The following NRXN3 variants were observed in gnomAD, a reference collection of about 807,000 sequenced individuals.
The protein encoded by NRXN3 is neurexin III.
NRXN3 carries 32 observed loss-of-function variants against 137.6 expected under a neutral mutation model. The ratio of observed to expected loss-of-function variants is 0.23; its 90% CI spans 0.18 to 0.31. The LOEUF is 0.31. Ranked by LOEUF, NRXN3 falls within the 10% of genes least tolerant of loss-of-function variation. The pLI, the probability that NRXN3 is intolerant of heterozygous loss-of-function variation, is 1.00. For missense variants in NRXN3, 1,574 were observed against 2,062.5 expected (o/e 0.76, Z 4.59); for synonymous variants, 798 against 784.5 (o/e 1.02, Z -0.29).
chr14:78,704,265 C>T (rs986196852), intron 6 of NRXN3, among the ~76,000 whole-genome samples: 1 of 152,146 alleles, frequency 6.6e-6, no homozygotes, highest in Non-Finnish European at 1.5e-5. Flanking sequence ...AGACAGCTTC[C>T]TCATTGGTAG....
chr14:78,669,208 T>G (rs2152707403), intron 6 of NRXN3, among the ~76,000 whole-genome samples: 1 of 152,036 alleles, frequency 6.6e-6, no homozygotes, highest in East Asian at 1.9e-4. Context: ...AAATGCAAAA[T>G]AGCATGATAA....
At chr14:78,835,632 G>A (rs2152422286) in intron 10 of NRXN3, among the ~76,000 whole-genome samples, 1 of 152,256 alleles carries the variant, frequency 6.6e-6, no homozygotes, top group East Asian at 1.9e-4. Flanking sequence ...TATTGCTCTA[G>A]TTTATTATAT....
chr14:79,182,268 T>A (rs2063009415), intron 15 of NRXN3, among the ~76,000 whole-genome samples: 2 of 151,936 alleles, frequency 1.3e-5, no homozygotes, highest in Admixed American at 1.3e-4. Flanking sequence ...TTGGGGATGA[T>A]TCAAGTACAT....
At chr14:78,365,041 A>G (rs1361680643) in intron 4 of NRXN3, among the ~76,000 whole-genome samples, 5 of 152,306 alleles carry the variant, frequency 3.3e-5, no homozygotes, top group South Asian at 2.1e-4. Context: ...AATGGAACCA[A>G]CAGGATTAGC....
chr14:78,515,312 T>C (rs371394859), intron 4 of NRXN3, among the ~76,000 whole-genome samples: 1 of 152,250 alleles, frequency 6.6e-6, no homozygotes, highest in African/African-American at 2.4e-5. Flanking sequence ...GTCCCTATGC[T>C]CTTTACATAG....
chr14:79,554,626 C>T (rs2097410046), intron 16 of NRXN3, among the ~76,000 whole-genome samples: 1 of 152,104 alleles, frequency 6.6e-6, no homozygotes, highest in Non-Finnish European at 1.5e-5. Flanking sequence ...AGCAGCCATC[C>T]TGATGAGAAA....
intron 4 of NRXN3, among the ~76,000 whole-genome samples, chr14:78,371,844 A>G (rs1197295117): frequency 6.6e-6 from 1 of 152,252 alleles, no homozygotes; most frequent in Non-Finnish European, 1.5e-5. Flanking sequence ...AGTATGCAGT[A>G]GGTATTGTTC....
intron 18 of NRXN3, among the ~76,000 whole-genome samples, chr14:79,696,940 T>C (rs1281017194): frequency 1.3e-5 from 2 of 151,916 alleles, no homozygotes; most frequent in Non-Finnish European, 2.9e-5. Flanking sequence ...TGTGGGACCA[T>C]AATCCATCCT....
intron 16 of NRXN3, among the ~76,000 whole-genome samples, chr14:79,597,715 G>A (rs1156393633): frequency 1.3e-5 from 2 of 152,124 alleles, no homozygotes; most frequent in African/African-American, 4.8e-5. Flanking sequence ...GAAAGTGGAG[G>A]TCAGCGTGAT....
chr14:78,332,648 C>G (rs1486654390), intron 4 of NRXN3, among the ~76,000 whole-genome samples: 1 of 152,138 alleles, frequency 6.6e-6, no homozygotes, highest in East Asian at 1.9e-4. Context: ...CACACTGCCC[C>G]CTTCCATGGA....
chr14:79,021,490 A>G (rs2099589546), intron 15 of NRXN3, among the ~76,000 whole-genome samples: 2 of 152,160 alleles, frequency 1.3e-5, no homozygotes, highest in South Asian at 4.1e-4. Flanking sequence ...AAAAAATCCA[A>G]TTCTACTGAT....
At chr14:78,828,626 C>G (rs1193103194) in intron 10 of NRXN3, among the ~76,000 whole-genome samples, 1 of 152,164 alleles carries the variant, frequency 6.6e-6, no homozygotes, top group East Asian at 1.9e-4. Context: ...AATCCCTGTT[C>G]TAGGACCCTA....
intron 15 of NRXN3, among the ~76,000 whole-genome samples, chr14:79,305,790 C>T (rs1194208581): frequency 6.6e-6 from 1 of 152,020 alleles, no homozygotes; most frequent in Non-Finnish European, 1.5e-5. Context: ...TTCACCTCAC[C>T]TGCCCTCAGT....
At chr14:79,340,743 C>T (rs755094380) in intron 15 of NRXN3, among the ~76,000 whole-genome samples, 16 of 152,194 alleles carry the variant, frequency 1.1e-4, no homozygotes, top group Non-Finnish European at 1.9e-4. Flanking sequence ...GGATTACAGG[C>T]GTAAGCCACC....
intron 16 of NRXN3, among the ~76,000 whole-genome samples, chr14:79,496,237 T>TCTCTCTCA (rs1480881457): frequency 3.5e-5 from 5 of 144,894 alleles, no homozygotes; most frequent in African/African-American, 1.3e-4. Context: ...TCTCTCTCTC[T>TCTCTCTCA]CACACACACA....
chr14:79,248,147 A>C (rs371814509), intron 15 of NRXN3, among the ~76,000 whole-genome samples: 2 of 152,274 alleles, frequency 1.3e-5, no homozygotes, highest in East Asian at 3.9e-4. Flanking sequence ...TCCACATATG[A>C]TAACATTTCT....
intron 16 of NRXN3, among the ~76,000 whole-genome samples, chr14:79,660,474 A>G (rs1466919246): frequency 6.6e-6 from 1 of 152,148 alleles, no homozygotes; most frequent in Admixed American, 6.5e-5. Context: ...TCCCAGAAAC[A>G]CTGATTACAA....
At chr14:78,676,986 A>T (rs1414317813) in intron 6 of NRXN3, among the ~76,000 whole-genome samples, 2 of 152,166 alleles carry the variant, frequency 1.3e-5, no homozygotes, top group African/African-American at 2.4e-5. Context: ...CTCAGAAAAC[A>T]AAGTATTTTA....
intron 15 of NRXN3, among the ~76,000 whole-genome samples, chr14:79,349,083 G>T (rs2093058669): frequency 6.6e-6 from 1 of 152,110 alleles, no homozygotes; most frequent in Admixed American, 6.5e-5. Context: ...AAAGTGAAAG[G>T]AGTAAATTGC....
Sources: allele counts gnomAD v4.1 joint callset (sites outside exome capture counted in the v4.1 genomes callset), GRCh38; gene constraint gnomAD v4.1.1; transcripts MANE v1.5; gene names NCBI Gene and HGNC (gene_info 2026-07-23, HGNC 2026-07-21).